DDAH1: variants seen among roughly 807,000 people sequenced by gnomAD.
DDAH1 encodes the protein N(G),N(G)-dimethylarginine dimethylaminohydrolase 1.
In DDAH1, 19 loss-of-function variants were observed where a neutral mutation model predicts 28.8. The observed-to-expected ratio is 0.66, with a 90% CI of 0.46 to 0.97. The LOEUF (loss-of-function observed/expected upper bound fraction) is 0.97, where lower values mean the gene tolerates loss of function less well. DDAH1 is among the 50% of genes least tolerant of loss of function. DDAH1 has a pLI of 0.00. For synonymous variants in DDAH1, 153 were observed against 154.4 expected, an observed-to-expected ratio of 0.99 and a Z score of 0.07; for missense variants, 326 against 375.9, an observed-to-expected ratio of 0.87 and a Z score of 1.10.
chr1:85,321,062 CATG>C lies in DDAH1; in HGVS notation c.*387_*389del, dbSNP rs1661311408. On this transcript the variant is annotated 3_prime_UTR_variant, in exon 6 of 6. Coordinates refer to ENST00000284031, the MANE Select transcript of DDAH1 (RefSeq NM_012137.4). ...ACTTTCACAGGAACCAAACATGATT[CATG>C]AAAAAAAAAAAAAAAAAAAGCAAGC... is the stretch of plus-strand genomic sequence containing the variant. The C allele has an allele frequency of 9.7e-6, 1 of 102,760 alleles. No individual in the cohort carries two copies. The highest frequency in any genetic ancestry group is 1.9e-5 in the Non-Finnish European group (1 of 52,626). 6.4% of individuals were successfully genotyped at this position (102,760 alleles called of 1,614,324 possible).
rs1557686884 is a variant in DDAH1 at position 85,491,043 on chromosome 1, A to ACTCTTTTTTTTTTT, written c.-7+5122_-7+5123insAAAAAAAAAAAGAG. Among the ~76,000 whole-genome samples, 4 of 79,340 alleles carry ACTCTTTTTTTTTTT rather than the reference A, an allele frequency of 5.0e-5. 2 individuals carry two copies. The allele number at this position is 79,340 out of a possible 152,430, so 52.1% of individuals were successfully genotyped here. ...TCTTCTAATGACAACAGTAACATGT[A>ACTCTTTTTTTTTTT]TTCTTTTTTTTTTTTTTTTTTTTGA... On this transcript the variant is annotated intron_variant, in intron 2 of 6. Coordinates refer to the DDAH1 transcript ENST00000426972.
intron 1 of DDAH1, among the ~76,000 whole-genome samples, chr1:85,543,760 AT>A (rs1373112654): frequency 1.3e-5 from 2 of 152,196 alleles, no homozygotes; most frequent in African/African-American, 4.8e-5. Context: ...CTGAAAATAA[AT>A]TCTGATACTG....
At chr1:85,505,652 C>A (rs1656987650) in intron 1 of DDAH1, among the ~76,000 whole-genome samples, 1 of 152,170 alleles carries the variant, frequency 6.6e-6, no homozygotes, top group South Asian at 2.1e-4. Flanking sequence ...TTGGCCTGAT[C>A]TTGAGCAAGA....
chr1:85,551,678 C>T (rs1427085892), intron 1 of DDAH1, among the ~76,000 whole-genome samples: 1 of 152,208 alleles, frequency 6.6e-6, no homozygotes, highest in Non-Finnish European at 1.5e-5. Flanking sequence ...ATGAAATACA[C>T]ATGATGCTAA....
intron 1 of DDAH1, among the ~76,000 whole-genome samples, chr1:85,533,404 A>G (rs1264059690): frequency 6.6e-5 from 10 of 151,922 alleles, no homozygotes; most frequent in Non-Finnish European, 1.5e-4. Flanking sequence ...CTATCCTCCC[A>G]CCCTGGCCTC....
At chr1:85,503,880 G>A (rs1656915187) in intron 1 of DDAH1, among the ~76,000 whole-genome samples, 1 of 152,106 alleles carries the variant, frequency 6.6e-6, no homozygotes, top group African/African-American at 2.4e-5. Flanking sequence ...TCTAGGGAGG[G>A]AGAACTTCAG....
chr1:85,504,800 C>A (rs1656952210), intron 1 of DDAH1, among the ~76,000 whole-genome samples: 1 of 151,980 alleles, frequency 6.6e-6, no homozygotes, highest in Admixed American at 6.6e-5. Flanking sequence ...AGGATGATGG[C>A]AATGTTTCCC....
intron 1 of DDAH1, among the ~76,000 whole-genome samples, chr1:85,441,945 C>T (rs537736874): frequency 3.3e-5 from 5 of 152,028 alleles, no homozygotes; most frequent in South Asian, 4.2e-4. Flanking sequence ...ATTTCATCGC[C>T]GTGAAAGTCT....
At chr1:85,348,537 T>C (rs935906908) in intron 4 of DDAH1, among the ~76,000 whole-genome samples, 1 of 152,166 alleles carries the variant, frequency 6.6e-6, no homozygotes, top group Admixed American at 6.5e-5. Context: ...TTTGCTCACA[T>C]CTCATCAATG....
chr1:85,452,629 G>A (rs1654716156), intron 1 of DDAH1, among the ~76,000 whole-genome samples: 1 of 152,068 alleles, frequency 6.6e-6, no homozygotes, highest in Non-Finnish European at 1.5e-5. Context: ...TAGACCTAGA[G>A]TAAAAGAACA....
intron 1 of DDAH1, among the ~76,000 whole-genome samples, chr1:85,424,966 C>T (rs1653322407): frequency 6.6e-6 from 1 of 152,052 alleles, no homozygotes; most frequent in South Asian, 2.1e-4. Flanking sequence ...AGTCTATTGT[C>T]GTTGGCTGTC....
At chr1:85,411,488 T>A (rs1207033424) in intron 1 of DDAH1, among the ~76,000 whole-genome samples, 1 of 151,812 alleles carries the variant, frequency 6.6e-6, no homozygotes, top group Non-Finnish European at 1.5e-5. Context: ...ACTACCATGC[T>A]GTGCTGTCCT....
intron 1 of DDAH1, among the ~76,000 whole-genome samples, chr1:85,540,902 G>A (rs77733072): frequency 6.8e-6 from 1 of 146,038 alleles, no homozygotes; most frequent in African/African-American, 2.5e-5. Context: ...AGAGGTTGCA[G>A]TGAGCCAAGA....
intron 1 of DDAH1, among the ~76,000 whole-genome samples, chr1:85,506,755 G>A (rs1242918065): frequency 2.0e-5 from 3 of 152,180 alleles, no homozygotes; most frequent in Non-Finnish European, 4.4e-5. Flanking sequence ...TGGGTGATGA[G>A]GAAGGGAATG....
intron 1 of DDAH1, among the ~76,000 whole-genome samples, chr1:85,409,770 CTTTATTT>C (rs1652562697): frequency 6.6e-6 from 1 of 152,110 alleles, no homozygotes; most frequent in South Asian, 2.1e-4. Flanking sequence ...AAGTTTTCAA[CTTTATTT>C]ATAAGAAATT....
At chr1:85,494,979 CCT>C (rs1656533501) in intron 2 of DDAH1, 1 of 152,322 alleles carries the variant, frequency 6.6e-6, no homozygotes, top group Non-Finnish European at 1.5e-5. Flanking sequence ...CAGACTAGCC[CCT>C]GTTTTCCCAC....
chr1:85,431,103 G>C (rs1043881004), intron 1 of DDAH1, among the ~76,000 whole-genome samples: 5 of 152,082 alleles, frequency 3.3e-5, no homozygotes, highest in Non-Finnish European at 5.9e-5. Flanking sequence ...TAGCATGAAG[G>C]GGTGTTGAAT....
chr1:85,325,622 C>T (rs1427002306), intron 4 of DDAH1, among the ~76,000 whole-genome samples: 1 of 150,202 alleles, frequency 6.7e-6, no homozygotes, highest in South Asian at 2.1e-4. Flanking sequence ...AAAAAAAAAA[C>T]CTACTTGGCA....
intron 1 of DDAH1, among the ~76,000 whole-genome samples, chr1:85,557,933 G>A (rs1317962255): frequency 6.6e-6 from 1 of 152,152 alleles, no homozygotes; most frequent in South Asian, 2.1e-4. Flanking sequence ...CCAGAATCAT[G>A]AGAAAACTAG....
Sources: gnomAD v4.1 joint callset for allele counts (sites outside exome capture counted in the v4.1 genomes callset) on GRCh38, gnomAD v4.1.1 for gene constraint, MANE v1.5 for transcripts, NCBI Gene and HGNC (gene_info 2026-07-23, HGNC 2026-07-21) for gene names.